Variants in ARHGAP10 observed in about 807,000 individuals in gnomAD.
ARHGAP10 encodes Rho GTPase activating protein 10.
Under a neutral mutation model 108.6 loss-of-function variants are expected in ARHGAP10, and 87 were observed. The observed-to-expected ratio is 0.80, with a 90% CI of 0.67 to 0.96. The LOEUF is 0.96. ARHGAP10 is among the 40% of genes least tolerant of loss of function. The pLI is 0.00. For synonymous variants in ARHGAP10, 347 were observed against 341.1 expected, an observed-to-expected ratio of 1.02 and a Z score of -0.19; for missense variants, 939 against 954.5, an observed-to-expected ratio of 0.98 and a Z score of 0.21.
At chr4:147,890,846 A>C (rs545904891) in intron 10 of ARHGAP10, among the ~76,000 whole-genome samples, 28 of 152,188 alleles carry the variant, frequency 1.8e-4, no homozygotes, top group South Asian at 1.5e-3. Flanking sequence ...AACAAAAAAA[A>C]CCACAAGTGG....
chr4:147,885,192 ATTAG>A (rs1444777867), intron 10 of ARHGAP10, among the ~76,000 whole-genome samples: 1 of 152,106 alleles, frequency 6.6e-6, no homozygotes, highest in Non-Finnish European at 1.5e-5. Context: ...GGGTCATTGT[ATTAG>A]TTCATTTTCA....
At chr4:148,071,146 G>A (rs1730158553) in intron 22 of ARHGAP10, among the ~76,000 whole-genome samples, 2 of 152,234 alleles carry the variant, frequency 1.3e-5, no homozygotes, top group Non-Finnish European at 2.9e-5. Flanking sequence ...AAGAGGTGGG[G>A]GAAAGGCATT....
At chr4:147,807,047 T>C (rs77508207) in intron 1 of ARHGAP10, among the ~76,000 whole-genome samples, 1,905 of 152,294 alleles carry the variant, frequency 0.013, 23 homozygotes, top group South Asian at 0.02. Context: ...CCATTTAGTG[T>C]GGGGGCAGGT....
chr4:147,943,814 A>G (rs1293733223), intron 14 of ARHGAP10, among the ~76,000 whole-genome samples: 1 of 152,222 alleles, frequency 6.6e-6, no homozygotes, highest in African/African-American at 2.4e-5. Context: ...CACTGATTCT[A>G]AAGGACTGCT....
chr4:147,906,766 G>T, intron 11 of ARHGAP10, 47 bp downstream of exon 11: 2 of 1,596,974 alleles, frequency 1.3e-6, no homozygotes, highest in South Asian at 2.2e-5. Context: ...CTTTAGAGTT[G>T]ACTTGCATTC....
At chr4:147,854,499 C>T (rs949781521) in intron 4 of ARHGAP10, among the ~76,000 whole-genome samples, 2 of 152,076 alleles carry the variant, frequency 1.3e-5, no homozygotes, top group African/African-American at 4.8e-5. Context: ...TTTGTAATGT[C>T]TGATTTATAA....
rs1325064467 is a variant in ARHGAP10, at chr4:147,955,337, G to A, written c.1413G>A (p.Met471Ile). 1 of 1,611,674 alleles carries A rather than the reference G, an allele frequency of 6.2e-7. No individual in the cohort carries two copies. Among genetic ancestry groups the A allele is most frequent in the Non-Finnish European group, 8.5e-7 (1 of 1,178,270 alleles). Residue 471 changes from methionine (M) to isoleucine (I), a missense_variant, in exon 16 of 23, where the codon ATG becomes ATA. Met to Ile is a conservative substitution (Grantham distance 10). Coordinates refer to ENST00000336498, the MANE Select transcript of ARHGAP10 (RefSeq NM_024605.4). ...ACAGGAGTCTTCCAGAGCCTCTCAT[G>A]ACCTATGAGTTACATGGAGATTTCA... ...QYLRSLPEPL[M>I]TYELHGDFIV... is the part of the protein sequence containing the mutation.
intron 13 of ARHGAP10, among the ~76,000 whole-genome samples, chr4:147,915,874 T>G (rs1043004918): frequency 6.6e-6 from 1 of 151,982 alleles, no homozygotes; most frequent in Non-Finnish European, 1.5e-5. Flanking sequence ...GAGGTTGAGG[T>G]GGGAGGATTG....
intron 18 of ARHGAP10, among the ~76,000 whole-genome samples, chr4:147,967,739 A>G (rs182263354): frequency 2.7e-4 from 41 of 152,292 alleles, no homozygotes; most frequent in South Asian, 1.0e-3. Context: ...AGGCATAACT[A>G]TGTACTGCCT....
chr4:147,971,046 T>G (rs1739386309), intron 18 of ARHGAP10, among the ~76,000 whole-genome samples: 1 of 147,894 alleles, frequency 6.8e-6, no homozygotes, highest in African/African-American at 2.6e-5. Context: ...TGAGCTGAGA[T>G]TGCGCCACTG....
intron 1 of ARHGAP10, among the ~76,000 whole-genome samples, chr4:147,805,408 A>ACCT (rs1731743398): frequency 6.6e-6 from 1 of 152,010 alleles, no homozygotes; most frequent in South Asian, 2.1e-4. Context: ...GAAATGTGAT[A>ACCT]CCTCCAGCTT....
At chr4:147,818,610 C>T (rs574511222) in intron 1 of ARHGAP10, among the ~76,000 whole-genome samples, 1 of 149,672 alleles carries the variant, frequency 6.7e-6, no homozygotes, top group Non-Finnish European at 1.5e-5. Flanking sequence ...TTCCTCTATT[C>T]TCCCTGCCCT....
At chr4:147,831,277 T>G (rs1732945388) in intron 3 of ARHGAP10, among the ~76,000 whole-genome samples, 1 of 152,252 alleles carries the variant, frequency 6.6e-6, no homozygotes, top group Admixed American at 6.5e-5. Flanking sequence ...GCCTAAGCTT[T>G]GACTTCTCAT....
intron 18 of ARHGAP10, among the ~76,000 whole-genome samples, chr4:148,001,258 T>C (rs1160510480): frequency 6.6e-6 from 1 of 152,210 alleles, no homozygotes; most frequent in Non-Finnish European, 1.5e-5. Flanking sequence ...GGCTCTGTTC[T>C]GTTCATTGGT....
chr4:147,763,395 T>TC (rs897221769), intron 1 of ARHGAP10, among the ~76,000 whole-genome samples: 1 of 149,244 alleles, frequency 6.7e-6, no homozygotes, highest in Admixed American at 6.7e-5. Flanking sequence ...CACTGCAACC[T>TC]CCGCCTCCTG....
intron 10 of ARHGAP10, among the ~76,000 whole-genome samples, chr4:147,894,889 C>CT (rs1239961681): frequency 7.9e-5 from 12 of 152,160 alleles, no homozygotes; most frequent in African/African-American, 2.9e-4. Flanking sequence ...TTTGTCTGTT[C>CT]TTTTGCCAGT....
intron 1 of ARHGAP10, among the ~76,000 whole-genome samples, chr4:147,757,738 C>T (rs1372978914): frequency 2.0e-5 from 3 of 152,238 alleles, no homozygotes; most frequent in African/African-American, 7.2e-5. Flanking sequence ...CTTCAGTCAC[C>T]TTCCTAAGAG....
intron 13 of ARHGAP10, among the ~76,000 whole-genome samples, chr4:147,919,798 C>A (rs1737159562): frequency 6.6e-6 from 1 of 152,006 alleles, no homozygotes; most frequent in Non-Finnish European, 1.5e-5. Flanking sequence ...CGAGGCTGGT[C>A]TTGAACTCCT....
intron 13 of ARHGAP10, among the ~76,000 whole-genome samples, chr4:147,913,535 C>G (rs1736840413): frequency 6.6e-6 from 1 of 152,142 alleles, no homozygotes; most frequent in African/African-American, 2.4e-5. Flanking sequence ...AGGTGGCCCC[C>G]TTCCCGCTTT....
Sources: gnomAD v4.1 joint callset for allele counts (sites outside exome capture counted in the v4.1 genomes callset) on GRCh38, gnomAD v4.1.1 for gene constraint, MANE v1.5 for transcripts, NCBI Gene and HGNC (gene_info 2026-07-23, HGNC 2026-07-21) for gene names.